TRIO: variants seen among roughly 807,000 people sequenced by gnomAD.
TRIO encodes trio Rho guanine nucleotide exchange factor, also known as triple functional domain protein.
A neutral mutation model predicts 351.9 loss-of-function variants in TRIO; 58 were observed. The ratio of observed to expected loss-of-function variants is 0.16; its 90% CI spans 0.13 to 0.21. TRIO has a LOEUF of 0.21. TRIO is among the 10% of genes least tolerant of loss of function. TRIO has a pLI of 1.00. For missense variants in TRIO, 3,201 were observed against 4,027.8 expected (o/e 0.79, Z 5.56); for synonymous variants, 1,758 against 1,595.7 (o/e 1.10, Z -2.42).
chr5:14,482,097 T>C (rs1423167628), intron 45 of TRIO, among the ~76,000 whole-genome samples: 1 of 152,242 alleles, frequency 6.6e-6, no homozygotes, highest in African/African-American at 2.4e-5. Context: ...ACCAGAATCT[T>C]CTTTTAAAAA....
chr5:14,341,208 CCTG>C (rs1292683514), intron 11 of TRIO, among the ~76,000 whole-genome samples: 1 of 152,148 alleles, frequency 6.6e-6, no homozygotes, highest in Non-Finnish European at 1.5e-5. Context: ...TGATAATGCT[CCTG>C]CTATTTGTCC....
intron 8 of TRIO, among the ~76,000 whole-genome samples, chr5:14,310,202 A>T (rs1738793335): frequency 6.6e-6 from 1 of 152,266 alleles, no homozygotes; most frequent in Non-Finnish European, 1.5e-5. Context: ...CAACTCAGCT[A>T]CCAGTTTTTC....
At chr5:14,166,220 C>T (rs771738611) in intron 1 of TRIO, among the ~76,000 whole-genome samples, 142 of 152,306 alleles carry the variant, frequency 9.3e-4, no homozygotes, top group Non-Finnish European at 1.7e-3. Flanking sequence ...CTGGGGGGCA[C>T]CCCCTTCTTT....
chr5:14,310,825 A>G (rs1738857066), intron 8 of TRIO, among the ~76,000 whole-genome samples: 1 of 152,190 alleles, frequency 6.6e-6, no homozygotes, highest in Non-Finnish European at 1.5e-5. Flanking sequence ...AGCTGGGATT[A>G]CAGGTGTATG....
At chr5:14,204,414 GT>G (rs1791333363) in intron 1 of TRIO, among the ~76,000 whole-genome samples, 1 of 152,064 alleles carries the variant, frequency 6.6e-6, no homozygotes, top group Non-Finnish European at 1.5e-5. Context: ...TGTTCTGCAG[GT>G]TGTCTTGGTC....
intron 1 of TRIO, among the ~76,000 whole-genome samples, chr5:14,222,120 T>C (rs2152209919): frequency 6.6e-6 from 1 of 150,644 alleles, no homozygotes; most frequent in East Asian, 1.9e-4. Context: ...AAGGCTCAGA[T>C]GATGTTAGCA....
intron 1 of TRIO, among the ~76,000 whole-genome samples, chr5:14,197,123 C>G (rs1790824811): frequency 6.6e-6 from 1 of 152,172 alleles, no homozygotes; most frequent in African/African-American, 2.4e-5. Flanking sequence ...TCAAGACATG[C>G]CTGCCAGAAG....
chr5:14,448,256 G>A (rs1752584043), intron 34 of TRIO, among the ~76,000 whole-genome samples: 1 of 152,334 alleles, frequency 6.6e-6, no homozygotes, highest in African/African-American at 2.4e-5. Context: ...CACAACTAGA[G>A]GAGCATTCAG....
At chr5:14,174,660 A>G (rs1394909424) in intron 1 of TRIO, among the ~76,000 whole-genome samples, 1 of 152,226 alleles carries the variant, frequency 6.6e-6, no homozygotes. Context: ...GCCCCAGTTA[A>G]GAAGATGTTC....
intron 1 of TRIO, among the ~76,000 whole-genome samples, chr5:14,211,820 A>G (rs987814127): frequency 5.3e-5 from 8 of 151,952 alleles, no homozygotes; most frequent in African/African-American, 1.2e-4. Context: ...GATTAAAGTA[A>G]ATTAGTGGGG....
rs1002115317 is a variant in TRIO, at chr5:14,482,859, C to T, written c.6657+86C>T. On this transcript the variant is annotated intron_variant, in intron 46 of 56. Coordinates refer to ENST00000344204, the MANE Select transcript of TRIO (RefSeq NM_007118.4). ...CTGTTTCCTTTTAATGATGACATAC[C>T]CTGATGCTTCGTTTAAGTATTTGAG... The T allele has an allele frequency of 1.9e-5, 23 of 1,231,492 alleles. No individual in the cohort carries two copies. The East Asian group carries it at 6.2e-4, about 33-fold the overall frequency. The allele number at this position is 1,231,492 out of a possible 1,614,324, so 76.3% of individuals were successfully genotyped here. A position where few individuals can be genotyped will look rare whatever the true frequency, so the allele number is the denominator to read the frequency against.
intron 1 of TRIO, among the ~76,000 whole-genome samples, chr5:14,260,495 A>G (rs535143558): frequency 1.8e-4 from 28 of 152,370 alleles, no homozygotes; most frequent in South Asian, 1.7e-3. Context: ...GCGATTAAAC[A>G]CAATTCTAAG....
At chr5:14,506,153 G>A (rs1162776326) in intron 55 of TRIO, among the ~76,000 whole-genome samples, 1 of 152,206 alleles carries the variant, frequency 6.6e-6, no homozygotes, top group Non-Finnish European at 1.5e-5. Flanking sequence ...CTTCCCTGGG[G>A]AGTTTTAACA....
intron 18 of TRIO, among the ~76,000 whole-genome samples, chr5:14,372,148 A>G (rs917026237): frequency 1.3e-5 from 2 of 148,846 alleles, no homozygotes; most frequent in Admixed American, 6.7e-5. Context: ...GTCATTTAGC[A>G]CCATCCACAA....
chr5:14,495,258 C>T (rs1256786691), intron 49 of TRIO, among the ~76,000 whole-genome samples: 1 of 152,186 alleles, frequency 6.6e-6, no homozygotes, highest in African/African-American at 2.4e-5. Flanking sequence ...AGATGTGGAG[C>T]TGCTTCTTAG....
chr5:14,367,553 C>T (rs367648348), intron 16 of TRIO, among the ~76,000 whole-genome samples: 22 of 152,310 alleles, frequency 1.4e-4, no homozygotes, highest in African/African-American at 5.3e-4. Flanking sequence ...CAAAATGACT[C>T]AGGCCAATTC....
intron 11 of TRIO, among the ~76,000 whole-genome samples, chr5:14,340,106 T>A (rs1741802387): frequency 1.3e-5 from 2 of 152,146 alleles, no homozygotes; most frequent in Admixed American, 6.5e-5. Context: ...AAAAAGTAGC[T>A]TGTCTTGGCT....
chr5:14,387,340 G>A (rs1294796948), intron 21 of TRIO, 98 bp from the exon 22 acceptor site: 5 of 1,298,108 alleles, frequency 3.9e-6, no homozygotes, highest in East Asian at 2.3e-5. Context: ...CGGTTTTCCT[G>A]TTCAGAGCTC....
intron 1 of TRIO, among the ~76,000 whole-genome samples, chr5:14,188,070 G>A (rs1790233819): frequency 6.6e-6 from 1 of 152,228 alleles, no homozygotes; most frequent in Non-Finnish European, 1.5e-5. Flanking sequence ...CTTTTGAATA[G>A]TGAACACAGA....
Sources: gnomAD v4.1 joint callset for allele counts (sites outside exome capture counted in the v4.1 genomes callset) on GRCh38, gnomAD v4.1.1 for gene constraint, MANE v1.5 for transcripts, NCBI Gene and HGNC (gene_info 2026-07-23, HGNC 2026-07-21) for gene names.